The following EBF1 variants were observed in gnomAD, a reference collection of about 807,000 sequenced individuals.
EBF1 encodes transcription factor COE1.
In EBF1, 10 loss-of-function variants were observed where a neutral mutation model predicts 68.4. The observed-to-expected ratio is 0.15, with a 90% CI of 0.09 to 0.25. The LOEUF (loss-of-function observed/expected upper bound fraction) is 0.25. EBF1 is among the 10% of genes least tolerant of loss of function. EBF1 has a pLI of 1.00. For missense variants in EBF1, 509 were observed against 794.4 expected (o/e 0.64, Z 4.32); for synonymous variants, 298 against 299.8 (o/e 0.99, Z 0.06).
chr5:158,960,523 T>TA (rs1003348240), intron 6 of EBF1, among the ~76,000 whole-genome samples: 44 of 151,682 alleles, frequency 2.9e-4, no homozygotes, highest in Admixed American at 1.9e-3. Context: ...TACATCTCTG[T>TA]AAAAAAAAAT....
intron 6 of EBF1, among the ~76,000 whole-genome samples, chr5:159,031,998 T>C (rs1025271451): frequency 2.6e-5 from 4 of 152,248 alleles, no homozygotes; most frequent in African/African-American, 9.6e-5. Context: ...TGTTGAACTA[T>C]GTATTTCTTC....
intron 6 of EBF1, among the ~76,000 whole-genome samples, chr5:158,874,572 C>T (rs137909170): frequency 2.9e-4 from 44 of 152,200 alleles, no homozygotes; most frequent in Admixed American, 1.6e-3. Flanking sequence ...AACAAAAGGG[C>T]TCAGGTATGC....
At chr5:158,785,867 G>A (rs753543107) in intron 9 of EBF1, among the ~76,000 whole-genome samples, 22 of 152,148 alleles carry the variant, frequency 1.4e-4, no homozygotes, top group Admixed American at 2.0e-4. Flanking sequence ...GTAGAGAGAT[G>A]TAGATATGCT....
At chr5:158,715,993 G>T (rs962223684) in intron 11 of EBF1, among the ~76,000 whole-genome samples, 2 of 152,136 alleles carry the variant, frequency 1.3e-5, no homozygotes, top group Admixed American at 6.5e-5. Context: ...CCATTTTAGG[G>T]GGGAAAAAGG....
chr5:159,024,864 T>A (rs970640345), intron 6 of EBF1, among the ~76,000 whole-genome samples: 1 of 152,198 alleles, frequency 6.6e-6, no homozygotes, highest in African/African-American at 2.4e-5. Context: ...ACAAGTCAGC[T>A]GGAATGGCCA....
chr5:158,981,212 A>T (rs10476281), intron 6 of EBF1, among the ~76,000 whole-genome samples: 30,718 of 152,062 alleles, frequency 0.2, 3,602 homozygotes, highest in African/African-American at 0.33. Context: ...CAACAATTAC[A>T]GAAACAAGGG....
chr5:158,863,401 T>C (rs1441894300), intron 6 of EBF1, among the ~76,000 whole-genome samples: 2 of 152,054 alleles, frequency 1.3e-5, no homozygotes, highest in Non-Finnish European at 2.9e-5. Flanking sequence ...CACTTACCAA[T>C]CTCCCCGGAA....
chr5:158,712,120 C>T (rs750460393), intron 14 of EBF1, 34 bp downstream of exon 14: 13 of 1,608,266 alleles, frequency 8.1e-6, no homozygotes, highest in East Asian at 6.7e-5. Context: ...TCTAGCGAAA[C>T]GTGCAGGAAC....
chr5:158,845,410 C>T (rs1015951123), intron 6 of EBF1, among the ~76,000 whole-genome samples: 1 of 152,138 alleles, frequency 6.6e-6, no homozygotes, highest in Non-Finnish European at 1.5e-5. Context: ...CCTCTCTGTG[C>T]CTCAATTTTC....
intron 10 of EBF1, among the ~76,000 whole-genome samples, chr5:158,774,537 A>G (rs1774647756): frequency 6.6e-6 from 1 of 152,120 alleles, no homozygotes; most frequent in Non-Finnish European, 1.5e-5. Flanking sequence ...AGCTCACCCA[A>G]TCCAGAAAAC....
intron 6 of EBF1, among the ~76,000 whole-genome samples, chr5:158,977,757 G>A (rs1757071274): frequency 6.6e-6 from 1 of 152,190 alleles, no homozygotes; most frequent in Non-Finnish European, 1.5e-5. Flanking sequence ...GAATGCCATG[G>A]CGCTGACCTC....
At chr5:159,033,192 A>T (rs1769285132) in intron 6 of EBF1, among the ~76,000 whole-genome samples, 1 of 152,220 alleles carries the variant, frequency 6.6e-6, no homozygotes, top group East Asian at 1.9e-4. Context: ...GAAGTTCTGC[A>T]CACGTTTACC....
intron 8 of EBF1, among the ~76,000 whole-genome samples, chr5:158,803,304 G>A (rs566810496): frequency 2.0e-5 from 3 of 151,474 alleles, no homozygotes; most frequent in East Asian, 1.9e-4. Context: ...TGGACTCAGC[G>A]CACAGATATC....
chr5:158,728,606 C>G, intron 11 of EBF1, among the ~76,000 whole-genome samples: 1 of 152,152 alleles, frequency 6.6e-6, no homozygotes, highest in Non-Finnish European at 1.5e-5. Flanking sequence ...GGCTCTGTCA[C>G]CCAGGCTGGA....
At chr5:159,027,398 C>T (rs886298518) in intron 6 of EBF1, among the ~76,000 whole-genome samples, 4 of 152,192 alleles carry the variant, frequency 2.6e-5, no homozygotes, top group African/African-American at 9.7e-5. Flanking sequence ...GACCACTGTT[C>T]ATCCCCAGAC....
At chr5:159,022,887 C>T (rs1351052919) in intron 6 of EBF1, among the ~76,000 whole-genome samples, 5 of 152,022 alleles carry the variant, frequency 3.3e-5, no homozygotes, top group African/African-American at 9.7e-5. Flanking sequence ...AAGAAGTACT[C>T]GAAGTTTTCT....
At chr5:159,084,401 G>T (rs1396898298) in intron 5 of EBF1, among the ~76,000 whole-genome samples, 2 of 152,054 alleles carry the variant, frequency 1.3e-5, no homozygotes, top group Non-Finnish European at 2.9e-5. Flanking sequence ...GTAGGGGAAG[G>T]CAGTGCTTTG....
intron 5 of EBF1, among the ~76,000 whole-genome samples, chr5:159,077,489 C>T (rs186319047): frequency 2.0e-4 from 31 of 152,212 alleles, no homozygotes; most frequent in African/African-American, 7.0e-4. Flanking sequence ...CCTTATTCTG[C>T]TTAACTTTTC....
chr5:158,990,134 C>T lies in EBF1; in HGVS notation c.554+83262G>A, dbSNP rs558276291. ...AATGATTCTAGACATGGGATTGGGG[C>T]ACCAAGGGGTTCAGTCAAAGTGCAG... On this transcript the variant is annotated intron_variant, in intron 6 of 15. Coordinates refer to ENST00000313708, the MANE Select transcript of EBF1 (RefSeq NM_024007.5). 2.0e-5 allele frequency among the ~76,000 whole-genome samples: 3 copies of T among 152,246 alleles called. No individual in the cohort carries two copies. In the East Asian group the frequency reaches 5.8e-4, roughly 29 times the overall value.
Sources: allele counts gnomAD v4.1 joint callset (sites outside exome capture counted in the v4.1 genomes callset), GRCh38; gene constraint gnomAD v4.1.1; transcripts MANE v1.5; gene names NCBI Gene and HGNC (gene_info 2026-07-23, HGNC 2026-07-21).